MCM4: variants seen among roughly 807,000 people sequenced by gnomAD.
MCM4 encodes the protein minichromosome maintenance complex component 4, also known as DNA replication licensing factor MCM4.
In MCM4, 60 loss-of-function variants were observed where a neutral mutation model predicts 88.7. That is an observed-to-expected ratio of 0.68 (90% CI 0.55 to 0.84). MCM4 has a LOEUF of 0.84. Among genes scored for constraint, MCM4 ranks in the 40% least tolerant of loss-of-function variants. The probability of loss-of-function intolerance (pLI) is 0.00; values close to 1 mark genes in which losing one functional copy is unlikely to be tolerated. For missense variants in MCM4, 1,149 were observed against 1,105.5 expected, an observed-to-expected ratio of 1.04 and a Z score of -0.56; for synonymous variants, 465 against 410.5, an observed-to-expected ratio of 1.13 and a Z score of -1.61.
intron 14 of MCM4, chr8:47,974,027 T>TA (rs1173717585): frequency 6.6e-6 from 1 of 152,112 alleles, no homozygotes; most frequent in Non-Finnish European, 1.5e-5. Context: ...CTTTTGCTTG[T>TA]AAAAAACAGA....
At chr8:47,963,380 G>A (rs528357028) in intron 7 of MCM4, among the ~76,000 whole-genome samples, 4 of 151,980 alleles carry the variant, frequency 2.6e-5, no homozygotes, top group Non-Finnish European at 4.4e-5. Flanking sequence ...CTTGAACCCC[G>A]GAGGCAGAGG....
At chr8:47,972,790 C>T in intron 13 of MCM4, 67 bp from the exon 14 acceptor site, 2 of 1,305,232 alleles carry the variant, frequency 1.5e-6, no homozygotes, top group Non-Finnish European at 2.2e-6. Context: ...CTACCAACCT[C>T]AGGTGATCCA....
At chr8:47,968,807 G>A (rs190216561) in intron 10 of MCM4, among the ~76,000 whole-genome samples, 12 of 152,308 alleles carry the variant, frequency 7.9e-5, no homozygotes, top group African/African-American at 2.9e-4. Flanking sequence ...GAATCAGCCT[G>A]GAGTTAAAGC....
chr8:47,963,138 A>G (rs1158063163), intron 7 of MCM4, 98 bp downstream of exon 7: 3 of 711,260 alleles, frequency 4.2e-6, no homozygotes, highest in Non-Finnish European at 7.1e-6. Context: ...TAGTATGCGC[A>G]AACACTTTAA....
chr8:47,966,323 A>G lies in MCM4; in HGVS notation c.969A>G (p.Ala323=), dbSNP rs1175442135. The change falls in exon 9 of 17, where the codon GCA becomes GCG. Residue 323 remains alanine (A), a synonymous_variant. Coordinates refer to ENST00000649973, the MANE Select transcript of MCM4 (RefSeq NM_182746.3). The part of the protein sequence containing the change: ...TRVEMDRGRI[A]EPSVCGRCHT... ...TGGAGATGGACCGCGGCCGCATTGC[A>G]GAGCCCAGTGTGTGCGGGCGCTGCC... The G allele has an allele frequency of 1.9e-6, 3 of 1,613,976 alleles. No individual in the cohort carries two copies. In the East Asian group the frequency reaches 6.7e-5, roughly 36 times the overall value.
At chr8:47,968,913 G>A (rs964452115) in intron 10 of MCM4, 1 of 152,078 alleles carries the variant, frequency 6.6e-6, no homozygotes, top group Non-Finnish European at 1.5e-5. Context: ...GCATGCTTTT[G>A]TCGGGGGTGG....
Position 47,961,612 on chromosome 8 carries a change from G to A in MCM4, c.167G>A (p.Gly56Glu), listed in dbSNP as rs1489134595. 2 of 1,614,058 alleles carry A rather than the reference G, an allele frequency of 1.2e-6. No individual in the cohort carries two copies. The highest frequency in any genetic ancestry group is 1.7e-6 in the Non-Finnish European group (2 of 1,180,046). The change falls in exon 3 of 17, where the codon GGA (glycine) becomes GAA (glutamate). Residue 56 changes from glycine to glutamate, a missense_variant. Around this residue, in one of 3 missense-constraint regions of MCM4, gnomAD observed 906 missense variants for 843.0 expected, o/e 1.07. Coordinates refer to ENST00000649973, the MANE Select transcript of MCM4 (RefSeq NM_182746.3). Reference protein sequence around the residue: ...GELQPMPTSPGVDLQSPAAQD... With the variant: ...GELQPMPTSPEVDLQSPAAQD... ...TTGCAGCCGATGCCAACCTCGCCTG[G>A]AGTGGACCTGCAGAGCCCTGCTGCG...
chr8:47,968,305 C>T (rs971060342), intron 10 of MCM4, among the ~76,000 whole-genome samples: 1 of 152,226 alleles, frequency 6.6e-6, no homozygotes, highest in Admixed American at 6.5e-5. Context: ...CCTGTTTCTT[C>T]CCCAGTGTGA....
intron 8 of MCM4, among the ~76,000 whole-genome samples, chr8:47,965,803 A>G (rs1243409682): frequency 6.6e-6 from 1 of 152,200 alleles, no homozygotes; most frequent in Non-Finnish European, 1.5e-5. Context: ...GCTCTGGGAT[A>G]GGTGCTGATA....
At position 47,963,055 on chromosome 8, in the gene MCM4, T is replaced by C. The variant is rs1302776940; in HGVS notation, c.693+15T>C. The C allele has an allele frequency of 5.6e-6, 8 of 1,428,004 alleles. No individual in the cohort carries two copies. The Admixed American group carries it at 1.5e-4, about 26-fold the overall frequency. The allele number at this position is 1,428,004 out of a possible 1,614,324, so 88.5% of individuals were successfully genotyped here. ...CTTACCCACAGGTAAGAATTTAGCT[T>C]TGACCTTGATGAATTTTAGTAACAG... On this transcript the variant is annotated intron_variant, in intron 7 of 16. Transcript: ENST00000649973.
chr8:47,972,527 GA>G (rs1414309864), intron 13 of MCM4, among the ~76,000 whole-genome samples: 1 of 152,100 alleles, frequency 6.6e-6, no homozygotes, highest in Admixed American at 6.5e-5. Context: ...TCTCAACTAG[GA>G]AAACAGTTTT....
At chr8:47,968,262 A>G (rs1024230576) in intron 10 of MCM4, among the ~76,000 whole-genome samples, 13 of 152,342 alleles carry the variant, frequency 8.5e-5, no homozygotes, top group Admixed American at 8.5e-4. Context: ...CACACCACGC[A>G]TCGGCTCTTG....
At chr8:47,969,650 C>G (rs1021558849) in intron 10 of MCM4, 148 bp from the exon 11 acceptor site, 2 of 693,518 alleles carry the variant, frequency 2.9e-6, no homozygotes, top group African/African-American at 1.8e-5. Context: ...TTGGGAGGGT[C>G]ATTTAAGAGA....
At chr8:47,969,119 C>G (rs528374024) in intron 10 of MCM4, 1 of 152,468 alleles carries the variant, frequency 6.6e-6, no homozygotes, top group South Asian at 2.1e-4. Flanking sequence ...TGACTGTGCC[C>G]GTGGGCATGC....
chr8:47,965,552 C>T (rs1297218826), intron 8 of MCM4, among the ~76,000 whole-genome samples: 1 of 152,102 alleles, frequency 6.6e-6, no homozygotes, highest in Non-Finnish European at 1.5e-5. Flanking sequence ...AAATACAGGC[C>T]AGAACAGGGT....
intron 13 of MCM4, 134 bp downstream of exon 13, chr8:47,971,602 A>G (rs2090954268): frequency 4.3e-6 from 4 of 927,680 alleles, no homozygotes; most frequent in Admixed American, 2.4e-5. Context: ...TGGTTGGTCA[A>G]GAGTTTTCAC....
At chr8:47,962,739 AATAC>A (rs770501071) in intron 5 of MCM4, 21 bp from the exon 6 acceptor site, 2 of 1,418,594 alleles carry the variant, frequency 1.4e-6, no homozygotes, top group Non-Finnish European at 2.0e-6. Flanking sequence ...CTATATGCCT[AATAC>A]AGTTTTCTCT....
intron 8 of MCM4, 147 bp downstream of exon 8, chr8:47,964,859 T>C (rs2090884866): frequency 4.7e-6 from 3 of 633,936 alleles, no homozygotes; most frequent in African/African-American, 3.7e-5. Context: ...ATAGATTCAG[T>C]TATCCTATAT....
chr8:47,973,597 A>G (rs2090975243), intron 14 of MCM4: 2 of 152,716 alleles, frequency 1.3e-5, no homozygotes, highest in East Asian at 2.0e-4. Context: ...GATTCACGCC[A>G]TTCTCCTGCC....
Sources: allele counts gnomAD v4.1 joint callset (sites outside exome capture counted in the v4.1 genomes callset), GRCh38; gene constraint gnomAD v4.1.1; regional missense constraint gnomAD v4.1.1; transcripts MANE v1.5; gene names NCBI Gene and HGNC (gene_info 2026-07-23, HGNC 2026-07-21).